The following TBC1D22A variants were observed in gnomAD, a reference collection of about 807,000 sequenced individuals.
The protein encoded by TBC1D22A is TBC1 domain family member 22A.
TBC1D22A carries 38 observed loss-of-function variants against 60.2 expected under a neutral mutation model. The observed-to-expected ratio is 0.63, with a 90% confidence interval of 0.49 to 0.83. The LOEUF is 0.83. Ranked by LOEUF, TBC1D22A falls within the 40% of genes least tolerant of loss-of-function variation. The pLI is 0.00. For synonymous variants in TBC1D22A, 302 were observed against 281.7 expected (o/e 1.07, Z -0.72); for missense variants, 628 against 701.0 (o/e 0.90, Z 1.18).
At chr22:46,903,478 G>A (rs761366123) in intron 7 of TBC1D22A, among the ~76,000 whole-genome samples, 6 of 152,098 alleles carry the variant, frequency 3.9e-5, no homozygotes, top group Non-Finnish European at 7.4e-5. Flanking sequence ...GGGACCTGTC[G>A]GCTCTTCCTG....
At chr22:46,853,112 G>A (rs1362037165) in intron 4 of TBC1D22A, among the ~76,000 whole-genome samples, 2 of 152,180 alleles carry the variant, frequency 1.3e-5, no homozygotes, top group Non-Finnish European at 2.9e-5. Flanking sequence ...TGGAGAGATG[G>A]GGGCCTGAGA....
intron 4 of TBC1D22A, among the ~76,000 whole-genome samples, chr22:46,866,336 C>T (rs1010464100): frequency 5.3e-5 from 8 of 152,078 alleles, no homozygotes; most frequent in Non-Finnish European, 7.4e-5. Flanking sequence ...AACTCCTGAC[C>T]TCAAGTGATC....
intron 11 of TBC1D22A, among the ~76,000 whole-genome samples, chr22:47,104,343 T>C (rs921439076): frequency 3.3e-5 from 5 of 151,682 alleles, no homozygotes; most frequent in African/African-American, 1.2e-4. Flanking sequence ...CATAGCTAGA[T>C]TTTTTTCTTC....
At chr22:46,858,612 G>T (rs2087696637) in intron 4 of TBC1D22A, among the ~76,000 whole-genome samples, 1 of 152,196 alleles carries the variant, frequency 6.6e-6, no homozygotes, top group Admixed American at 6.5e-5. Flanking sequence ...CTTCCCCACC[G>T]ATTGTGGGAG....
intron 11 of TBC1D22A, among the ~76,000 whole-genome samples, chr22:47,060,771 A>G (rs888559896): frequency 9.9e-5 from 15 of 152,224 alleles, no homozygotes; most frequent in Non-Finnish European, 1.8e-4. Context: ...CAGAAAGGGC[A>G]CACAATTTAG....
At chr22:46,943,879 G>A (rs991608506) in intron 8 of TBC1D22A, among the ~76,000 whole-genome samples, 3 of 152,160 alleles carry the variant, frequency 2.0e-5, no homozygotes, top group South Asian at 2.1e-4. Context: ...ATTGTAGCAC[G>A]CGTCAGTACT....
At chr22:47,167,839 G>A (rs983441730) in intron 12 of TBC1D22A, among the ~76,000 whole-genome samples, 1 of 152,168 alleles carries the variant, frequency 6.6e-6, no homozygotes, top group Admixed American at 6.5e-5. Context: ...TTCTCACTCC[G>A]GTCGTGGACT....
rs747481407 is a variant in TBC1D22A, at chr22:46,874,562, C to CTTTTTTTT, written c.638-4068_638-4061dup. Among the ~76,000 whole-genome samples, 39 of 40,784 alleles carry CTTTTTTTT rather than the reference C, an allele frequency of 9.6e-4. 8 individuals carry two copies. The highest frequency in any genetic ancestry group is 3.9e-3 in the African/African-American group (37 of 9,562). The allele number at this position is 40,784 out of a possible 152,430, so 26.8% of individuals were successfully genotyped here. A position where few individuals can be genotyped will look rare whatever the true frequency, so the allele number is the denominator to read the frequency against. On this transcript the variant is annotated intron_variant, in intron 4 of 12. Transcript: ENST00000337137. Reference sequence around the variant, plus strand: ...TATGTTTGTTTGGCTACAGGTATGTCTTTTTTTTTTTTTTTTTTTTTTTTT... The same window carrying CTTTTTTTT: ...TATGTTTGTTTGGCTACAGGTATGTCTTTTTTTTTTTTTTTTTTTTTTTTTTTTTTTTT...
At position 47,167,290 on chromosome 22, in the gene TBC1D22A, G is replaced by A. The variant is rs28602810; in HGVS notation, c.1426-6208G>A. ...GCTCATCGTGGGCACCAGAAGCCCC[G>A]TAGTGGAAGGTGTAACCAGCCATTC... On this transcript the variant is annotated intron_variant, in intron 12 of 12. Transcript: ENST00000337137. Among the ~76,000 whole-genome samples the A allele has an allele frequency of 4.9e-3, 751 of 152,308 alleles. 14 individuals are homozygous for A. The East Asian group carries it at 0.071, about 14-fold the overall frequency.
chr22:46,976,334 C>T (rs1334848010), intron 9 of TBC1D22A, among the ~76,000 whole-genome samples: 1 of 152,198 alleles, frequency 6.6e-6, no homozygotes, highest in African/African-American at 2.4e-5. Context: ...CCGTGGCAGC[C>T]GTTGATCTTC....
chr22:46,772,080 CAT>C (rs1167057634), intron 1 of TBC1D22A, among the ~76,000 whole-genome samples: 1 of 143,156 alleles, frequency 7.0e-6, no homozygotes, highest in Non-Finnish European at 1.5e-5. Flanking sequence ...CACACATATA[CAT>C]ATATATGTAT....
At chr22:46,950,151 G>A (rs892926985) in intron 8 of TBC1D22A, among the ~76,000 whole-genome samples, 1 of 152,286 alleles carries the variant, frequency 6.6e-6, no homozygotes, top group African/African-American at 2.4e-5. Flanking sequence ...TGGAGCAAGA[G>A]GGTGGTAATA....
At chr22:47,127,154 A>G (rs957808623) in intron 12 of TBC1D22A, among the ~76,000 whole-genome samples, 2 of 151,972 alleles carry the variant, frequency 1.3e-5, no homozygotes, top group Non-Finnish European at 1.5e-5. Context: ...TTGGTTAGTG[A>G]TAAAGAAAAC....
At chr22:47,127,042 A>G (rs908646984) in intron 12 of TBC1D22A, among the ~76,000 whole-genome samples, 2 of 152,136 alleles carry the variant, frequency 1.3e-5, no homozygotes, top group African/African-American at 4.8e-5. Flanking sequence ...GTGCACACCC[A>G]CCCACCCTCG....
rs1372834244 is a variant in TBC1D22A, at chr22:46,966,522, C to T, written c.1016-7768C>T. Reference sequence around the variant, plus strand: ...TAGAAGAAATCACTGTTTCAACAAACAGCTTTTCTATGAACCACAACTCCT... The same window carrying T: ...TAGAAGAAATCACTGTTTCAACAAATAGCTTTTCTATGAACCACAACTCCT... On this transcript the variant is annotated intron_variant, in intron 8 of 12. Transcript: ENST00000337137. Among the ~76,000 whole-genome samples the T allele has an allele frequency of 3.3e-5, 5 of 152,192 alleles. No individual in the cohort carries two copies. The South Asian group carries it at 1.0e-3, about 32-fold the overall frequency.
intron 9 of TBC1D22A, among the ~76,000 whole-genome samples, chr22:46,977,475 A>T (rs2074346593): frequency 6.6e-6 from 1 of 152,072 alleles, no homozygotes; most frequent in African/African-American, 2.4e-5. Flanking sequence ...TGGACAGCTG[A>T]TGGAGGCGAG....
chr22:47,102,464 G>A (rs934862801), intron 11 of TBC1D22A, among the ~76,000 whole-genome samples: 3 of 152,310 alleles, frequency 2.0e-5, no homozygotes, highest in African/African-American at 4.8e-5. Flanking sequence ...CACTGCTCAC[G>A]CCTCCCTGTT....
intron 11 of TBC1D22A, among the ~76,000 whole-genome samples, chr22:47,063,906 G>T (rs2147466898): frequency 6.6e-6 from 1 of 151,980 alleles, no homozygotes; most frequent in East Asian, 1.9e-4. Flanking sequence ...TTCCTCTTCT[G>T]TGAGGACACC....
intron 11 of TBC1D22A, among the ~76,000 whole-genome samples, chr22:47,082,235 T>G (rs1164091636): frequency 1.3e-5 from 2 of 152,166 alleles, no homozygotes; most frequent in African/African-American, 4.8e-5. Flanking sequence ...CTACTAACCT[T>G]TATTATAGAC....
Sources: allele counts gnomAD v4.1 joint callset (sites outside exome capture counted in the v4.1 genomes callset), GRCh38; gene constraint gnomAD v4.1.1; transcripts MANE v1.5; gene names NCBI Gene and HGNC (gene_info 2026-07-23, HGNC 2026-07-21).